PTPRA: variants seen among roughly 807,000 people sequenced by gnomAD.
PTPRA encodes the protein receptor-type tyrosine-protein phosphatase alpha.
Under a neutral mutation model 104.8 loss-of-function variants are expected in PTPRA, and 25 were observed. That is an observed-to-expected ratio of 0.24 (90% CI 0.17 to 0.33). The LOEUF (loss-of-function observed/expected upper bound fraction) is 0.33. Ranked by LOEUF, PTPRA falls within the 10% of genes least tolerant of loss-of-function variation. The pLI, the probability that PTPRA is intolerant of heterozygous loss-of-function variation, is 1.00. For missense variants in PTPRA, 765 were observed against 1,015.3 expected (o/e 0.75, Z 3.35); for synonymous variants, 323 against 368.9 (o/e 0.88, Z 1.43).
intron 6 of PTPRA, 132 bp from the exon 7 acceptor site, chr20:2,986,633 T>C (rs2062923240): frequency 1.3e-6 from 1 of 774,934 alleles, no homozygotes; most frequent in Non-Finnish European, 2.2e-6. Context: ...TACTTTCTTC[T>C]CTGTTTCCAT....
intron 18 of PTPRA, 148 bp from the exon 19 acceptor site, chr20:3,026,973 C>A: frequency 9.8e-7 from 1 of 1,018,662 alleles, no homozygotes; most frequent in Non-Finnish European, 1.5e-6. Context: ...AACGTAAAAG[C>A]CAAAGGCTTT....
At chr20:2,896,678 T>G (rs193034497) in intron 1 of PTPRA, among the ~76,000 whole-genome samples, 1 of 152,316 alleles carries the variant, frequency 6.6e-6, no homozygotes, top group Admixed American at 6.5e-5. Flanking sequence ...AATATTGATA[T>G]AATACTGCCA....
At chr20:2,924,263 G>GCGA (rs1257895017) in intron 2 of PTPRA, among the ~76,000 whole-genome samples, 3 of 152,120 alleles carry the variant, frequency 2.0e-5, no homozygotes, top group African/African-American at 4.8e-5. Context: ...TGAGCTGAGT[G>GCGA]TGGTGGCTCA....
In PTPRA at chr20:3,022,133, C is replaced by G. The variant is rs190649162; in HGVS notation, c.1241C>G (p.Pro414Arg). 1 of 1,614,202 alleles carries G rather than the reference C, an allele frequency of 6.2e-7. No individual in the cohort carries two copies. The highest frequency in any genetic ancestry group is 1.3e-5 in the African/African-American group (1 of 75,058). Reference protein sequence around the residue: ...HFTSWPDFGVPFTPIGMLKFL... With the variant: ...HFTSWPDFGVRFTPIGMLKFL... ...ACCAGCTGGCCAGACTTTGGGGTGC[C>G]TTTTACCCCGATCGGCATGCTCAAG... Residue 414 changes from proline (P) to arginine (R), a missense_variant, in exon 15 of 24, where the codon CCT becomes CGT. Coordinates refer to ENST00000399903, the MANE Select transcript of PTPRA (RefSeq NM_001385305.1). This position sits in a 1 kb window ranked among gnomAD's most constrained non-coding sequence, Gnocchi z 4.6.
intron 1 of PTPRA, among the ~76,000 whole-genome samples, chr20:2,886,875 GA>G (rs1389837773): frequency 1.6e-5 from 2 of 128,752 alleles, no homozygotes; most frequent in Non-Finnish European, 3.4e-5. Flanking sequence ...AAAAGGAAAA[GA>G]AAAAAAAGAA....
In PTPRA at chr20:2,959,970, A is replaced by T. The variant is rs148580768; in HGVS notation, c.-6-4302A>T. Among the ~76,000 whole-genome samples, 207 of 152,074 alleles carry T rather than the reference A, an allele frequency of 1.4e-3. 1 individual carries two copies. Among genetic ancestry groups the T allele is most frequent in the African/African-American group, 4.6e-3 (190 of 41,444 alleles). Reference sequence around the variant, plus strand: ...CGTCCTAAAAAAAGAAAGAAAGAAAATATAGAGCATTCCTAAATACCACCT... The same window carrying T: ...CGTCCTAAAAAAAGAAAGAAAGAAATTATAGAGCATTCCTAAATACCACCT... On this transcript the variant is annotated intron_variant, in intron 3 of 23. Transcript: ENST00000399903.
chr20:2,874,093 A>G lies in PTPRA; in HGVS notation c.-129+333A>G, dbSNP rs562601849. 3.3e-5 allele frequency among the ~76,000 whole-genome samples: 5 copies of G among 152,148 alleles called. No homozygotes were observed. In the South Asian group the frequency reaches 1.0e-3, roughly 32 times the overall value. The stretch of plus-strand genomic sequence containing the variant: ...AGAACGGCGAGAACAGAATTTGCTC[A>G]GGTCCATTTAATGGGAGGAAAGAGG... On this transcript the variant is annotated intron_variant, in intron 1 of 23. Coordinates refer to ENST00000399903, the MANE Select transcript of PTPRA (RefSeq NM_001385305.1).
intron 2 of PTPRA, among the ~76,000 whole-genome samples, chr20:2,926,830 G>A (rs989410389): frequency 7.2e-5 from 9 of 125,532 alleles, no homozygotes; most frequent in East Asian, 4.8e-4. Flanking sequence ...TTGGTCTGTC[G>A]CTCAGGCTGG....
intron 1 of PTPRA, among the ~76,000 whole-genome samples, chr20:2,910,163 TATAATATGACG>T (rs1363411600): frequency 8.1e-6 from 1 of 123,214 alleles, no homozygotes; most frequent in African/African-American, 3.2e-5. Context: ...ATACGTCATA[TATAATATGACG>T]TATAGTATAT....
intron 3 of PTPRA, among the ~76,000 whole-genome samples, chr20:2,963,360 G>A (rs929528977): frequency 5.3e-5 from 8 of 152,046 alleles, no homozygotes; most frequent in African/African-American, 1.7e-4. Context: ...CCAGCACTTC[G>A]GGAGGCTGAG....
At position 2,883,651 on chromosome 20, in the gene PTPRA, CAAAAAAAAAAAAA is replaced by C. The variant is rs71195803; in HGVS notation, c.-129+9906_-129+9918del. On this transcript the variant is annotated intron_variant, in intron 1 of 23. Transcript: ENST00000399903. ...TGGGCGACAGAGCGAGACTCCGTCT[CAAAAAAAAAAAAA>C]AAAAAAAAAAAAAAGAAAGAAATGT... 6.2e-4 allele frequency among the ~76,000 whole-genome samples: 2 copies of C among 3,250 alleles called. 1 individual carries two copies. Among genetic ancestry groups the C allele is most frequent in the African/African-American group, 8.0e-3 (2 of 250 alleles). 2.1% of individuals were successfully genotyped at this position (3,250 alleles called of 152,430 possible).
intron 12 of PTPRA, 80 bp downstream of exon 12, chr20:3,015,965 G>A (rs1318229138): frequency 2.2e-6 from 3 of 1,348,128 alleles, no homozygotes; most frequent in Non-Finnish European, 2.1e-6. Context: ...CAAATGCTGA[G>A]TGGATTAACC....
intron 2 of PTPRA, among the ~76,000 whole-genome samples, chr20:2,930,478 A>G (rs1209705862): frequency 6.6e-6 from 1 of 152,180 alleles, no homozygotes; most frequent in Non-Finnish European, 1.5e-5. Flanking sequence ...CAAACAAAGT[A>G]CCATAAACTC....
intron 17 of PTPRA, 78 bp from the exon 18 acceptor site, chr20:3,026,609 C>G (rs1365886632): frequency 4.4e-6 from 5 of 1,139,564 alleles, no homozygotes; most frequent in Non-Finnish European, 6.6e-6. Context: ...CCTGGAGGTG[C>G]AGGCCAAGGG....
At chr20:2,952,263 T>C (rs536738847) in intron 3 of PTPRA, among the ~76,000 whole-genome samples, 1 of 152,330 alleles carries the variant, frequency 6.6e-6, no homozygotes, top group African/African-American at 2.4e-5. Context: ...TTAGTCACTT[T>C]AGTGGGCATA....
At chr20:3,008,215 C>T (rs2063966450) in intron 11 of PTPRA, among the ~76,000 whole-genome samples, 1 of 152,156 alleles carries the variant, frequency 6.6e-6, no homozygotes, top group Non-Finnish European at 1.5e-5. Flanking sequence ...TGGGAGCACT[C>T]CAAGTGTCCA....
At chr20:2,960,346 T>A (rs2061704695) in intron 3 of PTPRA, among the ~76,000 whole-genome samples, 1 of 148,676 alleles carries the variant, frequency 6.7e-6, no homozygotes. Flanking sequence ...ACCTCCCGGG[T>A]TCATGCCATT....
intron 9 of PTPRA, among the ~76,000 whole-genome samples, chr20:2,991,840 A>G (rs759982338): frequency 2.0e-5 from 3 of 152,304 alleles, no homozygotes; most frequent in Non-Finnish European, 4.4e-5. Flanking sequence ...TGGAACATAA[A>G]TATTTTCTTT....
At chr20:3,021,742 A>G (rs2064880133) in intron 14 of PTPRA, among the ~76,000 whole-genome samples, 1 of 152,184 alleles carries the variant, frequency 6.6e-6, no homozygotes, top group African/African-American at 2.4e-5. Context: ...TCCTACTCCA[A>G]AGACTCCTGA....
Sources: gnomAD v4.1 joint callset for allele counts (sites outside exome capture counted in the v4.1 genomes callset) on GRCh38, gnomAD v4.1.1 for gene constraint, Gnocchi (gnomAD v3.1) non-coding constraint, MANE v1.5 for transcripts, NCBI Gene and HGNC (gene_info 2026-07-23, HGNC 2026-07-21) for gene names.